Variants in TMEM135 observed in about 807,000 individuals in gnomAD.
The protein encoded by TMEM135 is transmembrane protein 135.
A neutral mutation model predicts 60.3 loss-of-function variants in TMEM135; 30 were observed. That is an observed-to-expected ratio of 0.50 (90% confidence interval 0.37 to 0.68). The LOEUF is 0.68. Ranked by LOEUF, TMEM135 falls within the 30% of genes least tolerant of loss-of-function variation. The probability of loss-of-function intolerance (pLI) is 0.00; values close to 1 mark genes in which losing one functional copy is unlikely to be tolerated. For synonymous variants in TMEM135, 190 were observed against 186.7 expected (o/e 1.02, Z -0.14); for missense variants, 468 against 548.8 (o/e 0.85, Z 1.47).
chr11:87,077,021 C>T (rs936326789), intron 3 of TMEM135, among the ~76,000 whole-genome samples: 1 of 152,122 alleles, frequency 6.6e-6, no homozygotes, highest in Middle Eastern at 3.2e-3. Flanking sequence ...CATTTGTGTA[C>T]ATGTCTATGC....
chr11:87,110,447 C>T (rs2445553), intron 4 of TMEM135, among the ~76,000 whole-genome samples: 83,220 of 149,656 alleles, frequency 0.56, 23,680 homozygotes, highest in East Asian at 0.71. Context: ...GAGTGAGAAC[C>T]TGTCTTTGAA....
At chr11:87,288,985 A>G (rs1942216017) in intron 6 of TMEM135, among the ~76,000 whole-genome samples, 1 of 152,206 alleles carries the variant, frequency 6.6e-6, no homozygotes, top group Non-Finnish European at 1.5e-5. Flanking sequence ...GAAGTAATAA[A>G]TAAGTAAATA....
Position 87,219,964 on chromosome 11 carries a change from C to G in TMEM135, c.463-16674C>G, listed in dbSNP as rs186405238. Among the ~76,000 whole-genome samples, 10 of 152,204 alleles carry G rather than the reference C, an allele frequency of 6.6e-5. No homozygotes were observed. In the East Asian group the frequency reaches 1.9e-3, roughly 29 times the overall value. The stretch of plus-strand genomic sequence containing the variant: ...TATAAAATTGGATAATTTATTTTTG[C>G]TCAGATAGGTCTCAATAAAAAAGCA... On this transcript the variant is annotated intron_variant, in intron 5 of 14. Transcript: ENST00000305494.
In TMEM135 at chr11:87,295,882, AC is replaced by A. The variant is rs1315138964; in HGVS notation, c.551+60del. The stretch of plus-strand genomic sequence containing the variant: ...TTTACAAGTTAACTTAAAAAATTAT[AC>A]ATAATTACAATAAATAGGTATTGAC... On this transcript the variant is annotated intron_variant, in intron 7 of 14. Coordinates refer to ENST00000305494, the MANE Select transcript of TMEM135 (RefSeq NM_022918.4). 3.7e-6 allele frequency: 5 copies of A among 1,360,092 alleles called. No homozygotes were observed. The African/African-American group carries it at 5.8e-5, about 16-fold the overall frequency. 84.3% of individuals were successfully genotyped at this position (1,360,092 alleles called of 1,614,324 possible).
chr11:87,106,896 C>G (rs1477412591), intron 4 of TMEM135, among the ~76,000 whole-genome samples: 1 of 152,154 alleles, frequency 6.6e-6, no homozygotes, highest in Non-Finnish European at 1.5e-5. Flanking sequence ...CCTCAGGAAG[C>G]TTACAGTCAT....
intron 4 of TMEM135, among the ~76,000 whole-genome samples, chr11:87,119,601 T>C (rs1857988898): frequency 6.6e-6 from 1 of 152,224 alleles, no homozygotes; most frequent in Non-Finnish European, 1.5e-5. Flanking sequence ...TACGCTAGTA[T>C]CTGAGGCATG....
intron 5 of TMEM135, among the ~76,000 whole-genome samples, chr11:87,199,009 G>A (rs1940033195): frequency 1.3e-5 from 2 of 152,282 alleles, no homozygotes; most frequent in South Asian, 2.1e-4. Flanking sequence ...ACAGAAAGGA[G>A]CATCTTAGCT....
chr11:87,113,278 G>A (rs1326889193), intron 4 of TMEM135, among the ~76,000 whole-genome samples: 1 of 151,982 alleles, frequency 6.6e-6, no homozygotes, highest in Non-Finnish European at 1.5e-5. Flanking sequence ...TGTTTGTGAG[G>A]AAGTATTTAA....
chr11:87,113,632 A>T (rs1365340279), intron 4 of TMEM135, among the ~76,000 whole-genome samples: 1 of 152,062 alleles, frequency 6.6e-6, no homozygotes, highest in African/African-American at 2.4e-5. Flanking sequence ...TCTATAACAG[A>T]CCTAAATTTT....
chr11:87,238,198 A>T (rs554435390), intron 6 of TMEM135, among the ~76,000 whole-genome samples: 2 of 152,052 alleles, frequency 1.3e-5, no homozygotes, highest in South Asian at 2.1e-4. Context: ...GGATTGCTGG[A>T]TCACATAATA....
intron 5 of TMEM135, among the ~76,000 whole-genome samples, chr11:87,202,012 A>ACGTT (rs1565484440): frequency 1.2e-4 from 3 of 24,100 alleles, no homozygotes; most frequent in African/African-American, 4.9e-4. Context: ...TATGTTATGT[A>ACGTT]ATGTTATGTT....
At chr11:87,119,567 G>A (rs1018985811) in intron 4 of TMEM135, among the ~76,000 whole-genome samples, 1 of 152,220 alleles carries the variant, frequency 6.6e-6, no homozygotes, top group Non-Finnish European at 1.5e-5. Context: ...GCTGGTGTTG[G>A]TGATGCACGC....
intron 5 of TMEM135, among the ~76,000 whole-genome samples, chr11:87,223,584 G>C (rs1940695094): frequency 6.6e-6 from 1 of 152,040 alleles, no homozygotes; most frequent in Admixed American, 6.5e-5. Flanking sequence ...CTGGGCATGG[G>C]GGGATCACCT....
intron 5 of TMEM135, among the ~76,000 whole-genome samples, chr11:87,187,501 G>C (rs1025769303): frequency 1.3e-5 from 2 of 152,170 alleles, no homozygotes; most frequent in African/African-American, 2.4e-5. Flanking sequence ...GGATCTTGCA[G>C]ATCTTGACCT....
rs577562662 is a variant in TMEM135 at position 87,285,940 on chromosome 11, G to T, written c.510-9842G>T. ...ATAATCCCTGAGCTAGACACAGAGT[G>T]CTGATTGGTGCATTTACAATCCTCT... On this transcript the variant is annotated intron_variant, in intron 6 of 14. Coordinates refer to ENST00000305494, the MANE Select transcript of TMEM135 (RefSeq NM_022918.4). Among the ~76,000 whole-genome samples, 5 of 152,218 alleles carry T rather than the reference G, an allele frequency of 3.3e-5. No homozygotes were observed. The South Asian group carries it at 1.0e-3, about 32-fold the overall frequency.
intron 6 of TMEM135, among the ~76,000 whole-genome samples, chr11:87,282,856 T>C (rs2135421858): frequency 6.6e-6 from 1 of 152,356 alleles, no homozygotes; most frequent in African/African-American, 2.4e-5. Context: ...TGTTCCAATA[T>C]TTTATTTTTC....
chr11:87,209,538 G>A (rs1940313377), intron 5 of TMEM135, among the ~76,000 whole-genome samples: 1 of 152,088 alleles, frequency 6.6e-6, no homozygotes, highest in South Asian at 2.1e-4. Context: ...GGAGTACCCA[G>A]ATTCATAAAA....
intron 4 of TMEM135, among the ~76,000 whole-genome samples, chr11:87,110,600 A>G (rs1857717905): frequency 6.6e-6 from 1 of 152,192 alleles, no homozygotes; most frequent in Admixed American, 6.5e-5. Context: ...AGTCAATATG[A>G]CCCAAGAGGG....
intron 5 of TMEM135, among the ~76,000 whole-genome samples, chr11:87,213,908 A>G (rs560482678): frequency 6.6e-5 from 10 of 152,322 alleles, no homozygotes; most frequent in East Asian, 1.9e-4. Flanking sequence ...ACTGAAAACA[A>G]TAATAACCGT....
Sources: gnomAD v4.1 joint callset for allele counts (sites outside exome capture counted in the v4.1 genomes callset) on GRCh38, gnomAD v4.1.1 for gene constraint, MANE v1.5 for transcripts, NCBI Gene and HGNC (gene_info 2026-07-23, HGNC 2026-07-21) for gene names.